The following ABCD2 variants were observed in gnomAD, a reference collection of about 807,000 sequenced individuals.
ABCD2 encodes ATP-binding cassette sub-family D member 2.
Under a neutral mutation model 70.9 loss-of-function variants are expected in ABCD2, and 36 were observed. The observed-to-expected ratio is 0.51, with a 90% CI of 0.39 to 0.67. ABCD2 has a LOEUF of 0.67. Among genes scored for constraint, ABCD2 ranks in the 30% least tolerant of loss-of-function variants. The pLI, the probability that ABCD2 is intolerant of heterozygous loss-of-function variation, is 0.00. For synonymous variants in ABCD2, 304 were observed against 306.9 expected (o/e 0.99, Z 0.10); for missense variants, 729 against 890.2 (o/e 0.82, Z 2.30).
chr12:39,565,744 A>C (rs557751845), intron 9 of ABCD2, among the ~76,000 whole-genome samples: 16 of 152,346 alleles, frequency 1.1e-4, no homozygotes, highest in African/African-American at 3.8e-4. Flanking sequence ...TTGCTCATTC[A>C]GTATGATATT....
In ABCD2 at chr12:39,614,172, G is replaced by A. The variant is rs368870980; in HGVS notation, c.1120+2816C>T. Among the ~76,000 whole-genome samples, 14 of 152,228 alleles carry A rather than the reference G, an allele frequency of 9.2e-5. No individual in the cohort carries two copies. The East Asian group carries it at 1.9e-3, about 21-fold the overall frequency. On this transcript the variant is annotated intron_variant, in intron 2 of 9. Transcript: ENST00000308666. ...ACAAAAGGTTACATGATTTGCCCAG[G>A]GTCACAGTCTAGAAAGCAAAGAAGC...
chr12:39,593,738 A>G (rs773927184), intron 6 of ABCD2, among the ~76,000 whole-genome samples: 1 of 152,190 alleles, frequency 6.6e-6, no homozygotes, highest in Admixed American at 6.5e-5. Context: ...AGGGTAAGTC[A>G]TGATCTTTTT....
At chr12:39,590,699 T>C (rs1262361867) in intron 6 of ABCD2, among the ~76,000 whole-genome samples, 1 of 152,126 alleles carries the variant, frequency 6.6e-6, no homozygotes, top group Non-Finnish European at 1.5e-5. Context: ...AAGGTGCTTT[T>C]ATACTTTGCA....
chr12:39,578,836 A>G (rs1941557102), intron 8 of ABCD2, among the ~76,000 whole-genome samples: 1 of 152,014 alleles, frequency 6.6e-6, no homozygotes, highest in Non-Finnish European at 1.5e-5. Flanking sequence ...TAAAAAGTTG[A>G]CTTACCTTGA....
intron 6 of ABCD2, among the ~76,000 whole-genome samples, chr12:39,600,330 C>T (rs1941879308): frequency 6.6e-6 from 1 of 152,090 alleles, no homozygotes; most frequent in South Asian, 2.1e-4. Flanking sequence ...CTAACATCTG[C>T]AGTCTTTGAG....
At chr12:39,567,848 T>C (rs1176414109) in intron 9 of ABCD2, among the ~76,000 whole-genome samples, 2 of 152,224 alleles carry the variant, frequency 1.3e-5, no homozygotes, top group African/African-American at 4.8e-5. Flanking sequence ...CAGCATTTGC[T>C]TGTCTGTAAA....
chr12:39,563,896 C>T (rs865864381), intron 9 of ABCD2, among the ~76,000 whole-genome samples: 13 of 152,000 alleles, frequency 8.6e-5, no homozygotes, highest in East Asian at 1.9e-4. Flanking sequence ...TTTGTCCTTG[C>T]GATAGTTTGC....
At chr12:39,582,466 T>G (rs1941608902) in intron 7 of ABCD2, among the ~76,000 whole-genome samples, 1 of 152,242 alleles carries the variant, frequency 6.6e-6, no homozygotes. Context: ...TTTTTAAGTT[T>G]GGAAAATTCT....
intron 2 of ABCD2, among the ~76,000 whole-genome samples, chr12:39,615,991 T>A (rs554934600): frequency 7.9e-5 from 12 of 152,212 alleles, no homozygotes; most frequent in Non-Finnish European, 1.6e-4. Flanking sequence ...CTCACAACAA[T>A]TCTCTGAAGT....
chr12:39,543,844 TC>T, the ABCD2 span, among the ~76,000 whole-genome samples: 6 of 152,336 alleles, frequency 3.9e-5, no homozygotes, highest in South Asian at 1.2e-3. Context: ...CTACTATGCA[TC>T]AGACACTGAG....
At chr12:39,589,438 G>A (rs1941713294) in intron 6 of ABCD2, among the ~76,000 whole-genome samples, 1 of 147,180 alleles carries the variant, frequency 6.8e-6, no homozygotes, top group Non-Finnish European at 1.5e-5. Flanking sequence ...CCAGGCTGGA[G>A]TGCAGTGGCG....
chr12:39,615,994 T>C (rs1404313978), intron 2 of ABCD2, among the ~76,000 whole-genome samples: 1 of 152,130 alleles, frequency 6.6e-6, no homozygotes, highest in African/African-American at 2.4e-5. Context: ...ACAACAATTC[T>C]CTGAAGTAGC....
At position 39,579,630 on chromosome 12, in the gene ABCD2, T is replaced by C. The variant is rs1555218102; in HGVS notation, c.1793-11A>G. ...TAACAGCATCCCATCCTTAAGAAAA[T>C]AAAAAAATATACATTTTTATAAATC... is the stretch of plus-strand genomic sequence containing the variant. On this transcript the variant is annotated splice_polypyrimidine_tract_variant and intron_variant, in intron 7 of 9. Transcript: ENST00000308666. 2 of 1,573,456 alleles carry C rather than the reference T, an allele frequency of 1.3e-6. No homozygotes were observed. Among genetic ancestry groups the C allele is most frequent in the Non-Finnish European group, 1.7e-6 (2 of 1,151,086 alleles).
chr12:39,596,664 G>T (rs982319956), intron 6 of ABCD2, among the ~76,000 whole-genome samples: 1 of 152,126 alleles, frequency 6.6e-6, no homozygotes, highest in African/African-American at 2.4e-5. Flanking sequence ...TTCAGATCTT[G>T]TGGGCCTTAG....
intron 6 of ABCD2, among the ~76,000 whole-genome samples, chr12:39,599,737 T>C (rs1243479573): frequency 1.3e-5 from 2 of 152,326 alleles, no homozygotes; most frequent in East Asian, 3.9e-4. Flanking sequence ...AAAAGGGACA[T>C]ATGAGAGCAC....
At chr12:39,571,052 G>A (rs1257683869) in intron 9 of ABCD2, among the ~76,000 whole-genome samples, 2 of 152,146 alleles carry the variant, frequency 1.3e-5, no homozygotes, top group East Asian at 1.9e-4. Context: ...TGTCAGAATG[G>A]CTATTAAGAA....
intron 6 of ABCD2, among the ~76,000 whole-genome samples, chr12:39,598,009 T>C (rs1454434422): frequency 6.6e-6 from 1 of 152,230 alleles, no homozygotes; most frequent in Non-Finnish European, 1.5e-5. Context: ...TCCAAGCTTA[T>C]GAACTGAGCT....
downstream of ABCD2, among the ~76,000 whole-genome samples, chr12:39,548,762 A>G (rs1010415647): frequency 6.6e-6 from 1 of 151,860 alleles, no homozygotes; most frequent in Non-Finnish European, 1.5e-5. Flanking sequence ...TAAATGATAT[A>G]GCCAAGTTAA....
At chr12:39,540,137 T>C in the ABCD2 span, among the ~76,000 whole-genome samples, 1 of 152,216 alleles carries the variant, frequency 6.6e-6, no homozygotes, top group Non-Finnish European at 1.5e-5. Flanking sequence ...TTGTTTTTAA[T>C]AATCCCCTTA....
Sources: allele counts gnomAD v4.1 joint callset (sites outside exome capture counted in the v4.1 genomes callset), GRCh38; gene constraint gnomAD v4.1.1; transcripts MANE v1.5; gene names NCBI Gene and HGNC (gene_info 2026-07-23, HGNC 2026-07-21).